The following ROS1 variants were observed in gnomAD, a reference collection of about 807,000 sequenced individuals.
The protein encoded by ROS1 is ROS proto-oncogene 1, receptor tyrosine kinase.
In ROS1, 263 loss-of-function variants were observed where a neutral mutation model predicts 273.5. The observed-to-expected ratio is 0.96, with a 90% CI of 0.87 to 1.06. The LOEUF (loss-of-function observed/expected upper bound fraction) is 1.06, where lower values mean the gene tolerates loss of function less well. Among genes scored for constraint, ROS1 ranks in the 50% least tolerant of loss-of-function variants. The pLI is 0.00. For synonymous variants in ROS1, 1,008 were observed against 954.1 expected, an observed-to-expected ratio of 1.06 and a Z score of -1.04; for missense variants, 2,833 against 2,751.1, an observed-to-expected ratio of 1.03 and a Z score of -0.67.
chr6:117,301,196 C>A (rs1400603760), intron 42 of ROS1, 59 bp from the exon 43 acceptor site: 2 of 1,387,482 alleles, frequency 1.4e-6, no homozygotes, highest in African/African-American at 1.5e-5. Context: ...TACTGATAAC[C>A]CAGGTAGGGT....
intron 39 of ROS1, among the ~76,000 whole-genome samples, chr6:117,313,525 A>T (rs1775694674): frequency 6.6e-6 from 1 of 151,846 alleles, no homozygotes; most frequent in Non-Finnish European, 1.5e-5. Flanking sequence ...GTGAGCCAAG[A>T]TCACGCCACT....
intron 37 of ROS1, 107 bp from the exon 38 acceptor site, chr6:117,318,359 C>A: frequency 1.2e-6 from 1 of 800,942 alleles, no homozygotes; most frequent in Non-Finnish European, 2.1e-6. Context: ...ACCCTGAAAG[C>A]TGGAAACAGA....
intron 18 of ROS1, among the ~76,000 whole-genome samples, chr6:117,377,114 T>C (rs1781394627): frequency 6.6e-6 from 1 of 152,098 alleles, no homozygotes. Flanking sequence ...AGTCAAATTA[T>C]TATTATTATT....
intron 15 of ROS1, 132 bp downstream of exon 15, chr6:117,386,757 T>C (rs112377588): frequency 2.7e-4 from 133 of 500,602 alleles, no homozygotes; most frequent in African/African-American, 1.9e-3. Context: ...GGCAGTAGAG[T>C]TCAGTCAATA....
At chr6:117,396,063 A>T in intron 9 of ROS1, 125 bp downstream of exon 9, 1 of 534,908 alleles carries the variant, frequency 1.9e-6, no homozygotes. Context: ...TACCCAAAAG[A>T]CAATAATCAT....
intron 20 of ROS1, 134 bp from the exon 21 acceptor site, chr6:117,365,338 G>T (rs550298087): frequency 3.1e-6 from 3 of 955,176 alleles, no homozygotes; most frequent in Admixed American, 2.8e-5. Flanking sequence ...GCTAATTTTG[G>T]CAAGTTCTGT....
chr6:117,345,931 C>T (rs898486014), intron 27 of ROS1, among the ~76,000 whole-genome samples: 8 of 152,202 alleles, frequency 5.3e-5, no homozygotes, highest in East Asian at 3.9e-4. Context: ...AGAAGTACAT[C>T]GAAAATCTCC....
rs764420063 is a variant in ROS1, at chr6:117,341,272, T to C, written c.4924A>G (p.Ser1642Gly). The C allele has an allele frequency of 3.1e-6, 5 of 1,613,516 alleles. No homozygotes were observed. The highest frequency in any genetic ancestry group is 4.2e-6 in the Non-Finnish European group (5 of 1,179,706). The part of the protein sequence containing the change: ...CHSEEMWCTE[S>G]HPVTVEMFNT... ...AACATTTCCACAGTGACAGGATGAC[T>C]CTCTGTACACCACATTTCCTCAGAG... is the stretch of plus-strand genomic sequence containing the variant. Residue 1642 changes from serine (S) to glycine (G), a missense_variant, in exon 31 of 44, where the codon AGT (serine) becomes GGT (glycine). Physicochemically the swap from Ser to Gly is moderately conservative, Grantham distance 56 (BLOSUM62 0). Coordinates refer to ENST00000368507, the MANE Select transcript of ROS1 (RefSeq NM_001378902.1).
At chr6:117,300,626 G>A (rs1304326528) in intron 43 of ROS1, among the ~76,000 whole-genome samples, 4 of 152,134 alleles carry the variant, frequency 2.6e-5, no homozygotes. Flanking sequence ...TGTACCGTAA[G>A]CAAAGAGTCT....
At chr6:117,414,093 A>T (rs1484067411) in intron 4 of ROS1, among the ~76,000 whole-genome samples, 1 of 152,160 alleles carries the variant, frequency 6.6e-6, no homozygotes, top group African/African-American at 2.4e-5. Flanking sequence ...TTCTCTTTTA[A>T]TGTCCTATAT....
chr6:117,326,521 C>G (rs997738801), intron 33 of ROS1, 107 bp from the exon 34 acceptor site: 1 of 654,528 alleles, frequency 1.5e-6, no homozygotes, highest in Non-Finnish European at 2.4e-6. Context: ...TCCTTTGGCA[C>G]AATTTACCCT....
chr6:117,293,874 C>A (rs1244030028), intron 43 of ROS1, among the ~76,000 whole-genome samples: 2 of 151,954 alleles, frequency 1.3e-5, no homozygotes, highest in Non-Finnish European at 2.9e-5. Context: ...CGCTAATATC[C>A]CTGATGAACA....
At chr6:117,375,801 C>T (rs1040647954) in intron 18 of ROS1, among the ~76,000 whole-genome samples, 1 of 151,862 alleles carries the variant, frequency 6.6e-6, no homozygotes, top group African/African-American at 2.4e-5. Context: ...TATAGATAAT[C>T]AATATACTAA....
At chr6:117,350,076 T>C (rs761723397) in intron 27 of ROS1, among the ~76,000 whole-genome samples, 6 of 152,060 alleles carry the variant, frequency 3.9e-5, no homozygotes, top group Non-Finnish European at 8.8e-5. Context: ...TTATTTATTC[T>C]CTAATGCTCT....
chr6:117,424,155 A>C (rs577136989), intron 1 of ROS1, among the ~76,000 whole-genome samples: 2 of 152,318 alleles, frequency 1.3e-5, no homozygotes, highest in Middle Eastern at 3.4e-3. Context: ...TAGCAGGGAA[A>C]TTAACAAATA....
intron 36 of ROS1, 139 bp from the exon 37 acceptor site, chr6:117,320,169 G>T (rs1421123876): frequency 4.2e-6 from 3 of 716,596 alleles, no homozygotes; most frequent in African/African-American, 3.6e-5. Context: ...ATGTGACACG[G>T]TGATGTGGAA....
Position 117,311,042 on chromosome 6 carries a change from C to A in ROS1, c.6193G>T (p.Glu2065Ter). Residue 2065 changes from glutamate (E) to a stop codon, truncating the protein, a stop_gained, in exon 40 of 44, where the codon GAA becomes TAA. Transcript: ENST00000368507. LOFTEE classifies it high-confidence loss of function. ...VDISKGCVYLERMHFIHRDLA... is the reference protein window; with the variant it reads ...VDISKGCVYL Reference sequence around the variant, plus strand: ...TACCTGTGAATGAAATGCATCCGTTCCAAGTAGACACAGCCTTTTGAAATA... The same window carrying A: ...TACCTGTGAATGAAATGCATCCGTTACAAGTAGACACAGCCTTTTGAAATA... 1 of 1,608,848 alleles carries A rather than the reference C, an allele frequency of 6.2e-7. No homozygotes were observed. The highest frequency in any genetic ancestry group is 1.1e-5 in the South Asian group (1 of 90,574).
intron 43 of ROS1, among the ~76,000 whole-genome samples, chr6:117,299,921 T>C (rs1033750793): frequency 8.7e-6 from 1 of 114,918 alleles, no homozygotes; most frequent in Admixed American, 1.1e-4. Flanking sequence ...AGAATATTAT[T>C]ATCTTTTTTT....
At chr6:117,296,233 AC>A (rs1774230449) in intron 43 of ROS1, among the ~76,000 whole-genome samples, 1 of 136,762 alleles carries the variant, frequency 7.3e-6, no homozygotes, top group Non-Finnish European at 1.6e-5. Flanking sequence ...CCCAGTCTCT[AC>A]TAAAAAAAAT....
Sources: allele counts gnomAD v4.1 joint callset (sites outside exome capture counted in the v4.1 genomes callset), GRCh38; gene constraint gnomAD v4.1.1; transcripts MANE v1.5; gene names NCBI Gene and HGNC (gene_info 2026-07-23, HGNC 2026-07-21).